RAPGEF2: variants seen among roughly 807,000 people sequenced by gnomAD.
The protein encoded by RAPGEF2 is Rap guanine nucleotide exchange factor 2, also known as PDZ domain containing guanine nucleotide exchange factor (GEF) 1.
RAPGEF2 carries 54 observed loss-of-function variants against 186.7 expected under a neutral mutation model. The observed-to-expected ratio is 0.29, with a 90% CI of 0.23 to 0.36. The LOEUF is 0.36. Among genes scored for constraint, RAPGEF2 ranks in the 10% least tolerant of loss-of-function variants. The pLI is 1.00. For missense variants in RAPGEF2, 1,532 were observed against 2,045.0 expected, an observed-to-expected ratio of 0.75 and a Z score of 4.84; for synonymous variants, 712 against 705.9, an observed-to-expected ratio of 1.01 and a Z score of -0.14.
chr4:159,124,121 C>T (rs960500341), intron 1 of RAPGEF2, among the ~76,000 whole-genome samples: 1 of 152,092 alleles, frequency 6.6e-6, no homozygotes, highest in Admixed American at 6.5e-5. Context: ...TCCCAAAGTG[C>T]TGGGATTACG....
intron 3 of RAPGEF2, among the ~76,000 whole-genome samples, chr4:159,206,030 C>T (rs939780910): frequency 2.0e-4 from 30 of 151,882 alleles, no homozygotes; most frequent in African/African-American, 7.0e-4. Context: ...CCCGGGTTCA[C>T]GCCATTCTCC....
intron 7 of RAPGEF2, chr4:159,268,298 C>T: frequency 8.5e-7 from 1 of 1,178,116 alleles, no homozygotes; most frequent in Non-Finnish European, 1.3e-6. Flanking sequence ...TCTTTCTCTT[C>T]AGGGAAAACA....
At chr4:159,142,778 G>A (rs1195220288) in intron 1 of RAPGEF2, among the ~76,000 whole-genome samples, 1 of 152,022 alleles carries the variant, frequency 6.6e-6, no homozygotes, top group Non-Finnish European at 1.5e-5. Flanking sequence ...GATAGTTTCT[G>A]TGTGCCAGGC....
rs547617831 is a variant in RAPGEF2, at chr4:159,111,844, C to G, written c.69+7613C>G. ...AATGGGGAGAGATCCTGTGTGTACC[C>G]TTTAACCGGTTTCTCCCATTAGTAA... On this transcript the variant is annotated intron_variant, in intron 1 of 29. Transcript: ENST00000691494. Among the ~76,000 whole-genome samples the G allele has an allele frequency of 2.0e-5, 3 of 152,246 alleles. No homozygotes were observed. In the South Asian group the frequency reaches 6.2e-4, roughly 32 times the overall value.
intron 7 of RAPGEF2, among the ~76,000 whole-genome samples, chr4:159,252,848 T>C (rs769531217): frequency 2.0e-5 from 3 of 152,254 alleles, no homozygotes; most frequent in Non-Finnish European, 4.4e-5. Flanking sequence ...TTTTGTTTAT[T>C]ATTTACCATA....
chr4:159,157,232 G>T (rs1176249850), intron 1 of RAPGEF2, among the ~76,000 whole-genome samples: 1 of 152,158 alleles, frequency 6.6e-6, no homozygotes, highest in Non-Finnish European at 1.5e-5. Flanking sequence ...TAGGACTGCA[G>T]CTTTGCCCCT....
At chr4:159,158,897 A>G (rs1342576246) in intron 1 of RAPGEF2, among the ~76,000 whole-genome samples, 1 of 152,204 alleles carries the variant, frequency 6.6e-6, no homozygotes, top group Non-Finnish European at 1.5e-5. Context: ...GAGACTGGCT[A>G]ATCCCCCTTT....
intron 4 of RAPGEF2, among the ~76,000 whole-genome samples, chr4:159,220,892 ATAT>A (rs1751469499): frequency 6.6e-6 from 1 of 152,200 alleles, no homozygotes; most frequent in East Asian, 1.9e-4. Flanking sequence ...AAGTTTGACA[ATAT>A]TATGATAACA....
intron 1 of RAPGEF2, among the ~76,000 whole-genome samples, chr4:159,142,001 A>C (rs1192555382): frequency 1.3e-5 from 2 of 152,226 alleles, no homozygotes; most frequent in African/African-American, 4.8e-5. Context: ...AATGAAAGAC[A>C]AAGCAAATTC....
rs1352771065 is a variant in RAPGEF2 at position 159,311,641 on chromosome 4, G to A, written c.676-2950G>A. Among the ~76,000 whole-genome samples the A allele has an allele frequency of 2.6e-5, 4 of 152,238 alleles. 1 individual carries two copies. In the Middle Eastern group the frequency reaches 0.01, roughly 388 times the overall value. ...CTAAAATCACATCATGAATAGTAGAGGTGAGATTTGGAGCCACAAAACTGA... is the reference window on the plus strand; with the variant it reads ...CTAAAATCACATCATGAATAGTAGAAGTGAGATTTGGAGCCACAAAACTGA... On this transcript the variant is annotated intron_variant, in intron 8 of 29. Coordinates refer to ENST00000691494, the MANE Select transcript of RAPGEF2 (RefSeq NM_001394067.2).
chr4:159,312,547 A>G (rs1337413694), intron 8 of RAPGEF2, among the ~76,000 whole-genome samples: 1 of 151,844 alleles, frequency 6.6e-6, no homozygotes, highest in Non-Finnish European at 1.5e-5. Context: ...TGTGTTTCTG[A>G]GTGTGTCACA....
At chr4:159,236,838 C>T (rs1753319597) in intron 4 of RAPGEF2, among the ~76,000 whole-genome samples, 1 of 152,080 alleles carries the variant, frequency 6.6e-6, no homozygotes, top group Admixed American at 6.6e-5. Context: ...AAATTCAGGT[C>T]ATTTAAATTG....
At chr4:159,233,954 C>T (rs1184598300) in intron 4 of RAPGEF2, among the ~76,000 whole-genome samples, 2 of 151,996 alleles carry the variant, frequency 1.3e-5, no homozygotes, top group Non-Finnish European at 2.9e-5. Context: ...CGTGAGTCCT[C>T]ATTGTTCTTT....
At chr4:159,224,015 C>T (rs1004842456) in intron 4 of RAPGEF2, among the ~76,000 whole-genome samples, 7 of 152,096 alleles carry the variant, frequency 4.6e-5, no homozygotes, top group Admixed American at 2.6e-4. Context: ...TCTTGTGCCT[C>T]GGCCTCCTGA....
At chr4:159,207,642 A>C (rs1750120273) in intron 3 of RAPGEF2, among the ~76,000 whole-genome samples, 1 of 152,226 alleles carries the variant, frequency 6.6e-6, no homozygotes, top group South Asian at 2.1e-4. Flanking sequence ...GCCCCAGGCC[A>C]CATAGTTAGG....
Position 159,163,541 on chromosome 4 carries a change from T to A in RAPGEF2, c.70-23101T>A, listed in dbSNP as rs184269996. Among the ~76,000 whole-genome samples the A allele has an allele frequency of 5.9e-5, 9 of 152,346 alleles. No homozygotes were observed. The East Asian group carries it at 1.7e-3, about 29-fold the overall frequency. On this transcript the variant is annotated intron_variant, in intron 1 of 29. Transcript: ENST00000691494. The stretch of plus-strand genomic sequence containing the variant: ...TCTCGTATCATGTGTTGTACAAAAT[T>A]TAGGCTTATGTGCAAAAATAAAAGA...
intron 2 of RAPGEF2, among the ~76,000 whole-genome samples, chr4:159,191,694 G>A (rs1411609038): frequency 2.0e-5 from 3 of 152,052 alleles, no homozygotes; most frequent in East Asian, 1.9e-4. Flanking sequence ...AGCTGAGATC[G>A]CGCCATGGCA....
intron 8 of RAPGEF2, among the ~76,000 whole-genome samples, chr4:159,312,194 A>G (rs1764026857): frequency 6.6e-6 from 1 of 152,202 alleles, no homozygotes; most frequent in Non-Finnish European, 1.5e-5. Flanking sequence ...TTAGCTATAT[A>G]AATTATTGAA....
intron 1 of RAPGEF2, among the ~76,000 whole-genome samples, chr4:159,105,502 GATC>G (rs1737774410): frequency 6.6e-6 from 1 of 152,228 alleles, no homozygotes; most frequent in African/African-American, 2.4e-5. Flanking sequence ...ACATCTGGGA[GATC>G]ATGGATAGAT....
Sources: gnomAD v4.1 joint callset for allele counts (sites outside exome capture counted in the v4.1 genomes callset) on GRCh38, gnomAD v4.1.1 for gene constraint, MANE v1.5 for transcripts, NCBI Gene and HGNC (gene_info 2026-07-23, HGNC 2026-07-21) for gene names.